Variants in RBM6 observed in about 807,000 individuals in gnomAD.
RBM6 encodes the protein RNA binding motif protein 6, also known as RNA-binding protein 6.
In RBM6, 23 loss-of-function variants were observed where a neutral mutation model predicts 140.4. That is an observed-to-expected ratio of 0.16 (90% CI 0.12 to 0.23). The LOEUF (loss-of-function observed/expected upper bound fraction) is 0.23. Ranked by LOEUF, RBM6 falls within the 10% of genes least tolerant of loss-of-function variation. The pLI, the probability that RBM6 is intolerant of heterozygous loss-of-function variation, is 1.00. For missense variants in RBM6, 1,139 were observed against 1,386.7 expected, an observed-to-expected ratio of 0.82 and a Z score of 2.84; for synonymous variants, 439 against 475.6, an observed-to-expected ratio of 0.92 and a Z score of 1.00.
At chr3:50,006,018 A>C (rs549711302) in intron 6 of RBM6, among the ~76,000 whole-genome samples, 1 of 152,304 alleles carries the variant, frequency 6.6e-6, no homozygotes, top group East Asian at 1.9e-4. Flanking sequence ...AGTGAGTTTA[A>C]GGATCGATGA....
intron 6 of RBM6, among the ~76,000 whole-genome samples, chr3:50,030,323 C>T (rs2088080860): frequency 6.9e-6 from 1 of 145,252 alleles, no homozygotes; most frequent in South Asian, 2.2e-4. Flanking sequence ...ATGGTTGTAC[C>T]TTGAACAGAT....
intron 1 of RBM6, among the ~76,000 whole-genome samples, chr3:49,941,938 CA>C (rs113889758): frequency 0.18 from 24,187 of 136,534 alleles, 3,551 homozygotes; most frequent in African/African-American, 0.41. Flanking sequence ...ACAAAAAATA[CA>C]AAAAAAAAAA....
At chr3:49,979,595 A>G (rs2085212485) in intron 5 of RBM6, among the ~76,000 whole-genome samples, 1 of 151,842 alleles carries the variant, frequency 6.6e-6, no homozygotes, top group South Asian at 2.1e-4. Context: ...GTGTGCCACC[A>G]CACCTGGCTA....
intron 5 of RBM6, 135 bp from the exon 6 acceptor site, chr3:49,999,305 A>ACC: frequency 1.5e-6 from 1 of 688,426 alleles, no homozygotes; most frequent in Non-Finnish European, 2.6e-6. Flanking sequence ...TAGCAACTTT[A>ACC]CCTAGTGTAG....
chr3:50,058,836 A>C (rs2089823538), intron 10 of RBM6: 3 of 225,312 alleles, frequency 1.3e-5, no homozygotes, highest in African/African-American at 2.2e-5. Flanking sequence ...GAATGGCGTG[A>C]ACTCCGGAGG....
At chr3:50,016,121 A>G (rs537000263) in intron 6 of RBM6, among the ~76,000 whole-genome samples, 4 of 152,300 alleles carry the variant, frequency 2.6e-5, no homozygotes, top group Admixed American at 2.6e-4. Flanking sequence ...GGCCTCTGGT[A>G]AACCACCATT....
At chr3:49,942,933 C>T (rs1234085260) in intron 1 of RBM6, among the ~76,000 whole-genome samples, 1 of 152,170 alleles carries the variant, frequency 6.6e-6, no homozygotes, top group East Asian at 1.9e-4. Flanking sequence ...AATCTCTAAT[C>T]TACTTTGTGT....
intron 19 of RBM6, 173 bp from the exon 20 acceptor site, chr3:50,075,028 C>A: frequency 1.5e-6 from 1 of 663,550 alleles, no homozygotes; most frequent in Non-Finnish European, 2.4e-6. Flanking sequence ...TGGTGGCGGG[C>A]ACCTGCAATC....
At chr3:49,986,933 G>A (rs929061519) in intron 5 of RBM6, among the ~76,000 whole-genome samples, 3 of 151,930 alleles carry the variant, frequency 2.0e-5, no homozygotes, top group African/African-American at 7.2e-5. Flanking sequence ...CTATAGACAT[G>A]CACCACCATG....
chr3:50,066,985 T>C (rs570946452), intron 17 of RBM6, among the ~76,000 whole-genome samples: 2 of 152,036 alleles, frequency 1.3e-5, no homozygotes, highest in South Asian at 4.1e-4. Context: ...GATCAGGAGT[T>C]TGAGACCAGC....
Position 49,969,537 on chromosome 3 carries a change from ATTC to A in RBM6, c.1323+792_1323+794del, listed in dbSNP as rs1451804591. ...TATATATATATTTCTTTTTTCTTTTATTCTTTTCTTCCTGCTTCACTTTCCATT... is the reference window on the plus strand; with the variant it reads ...TATATATATATTTCTTTTTTCTTTTATTTTCTTCCTGCTTCACTTTCCATT... On this transcript the variant is annotated intron_variant, in intron 3 of 20. Coordinates refer to ENST00000266022, the MANE Select transcript of RBM6 (RefSeq NM_005777.3). Among the ~76,000 whole-genome samples, 4 of 147,438 alleles carry A rather than the reference ATTC, an allele frequency of 2.7e-5. No homozygotes were observed. The Admixed American group carries it at 2.7e-4, about 10-fold the overall frequency.
intron 19 of RBM6, among the ~76,000 whole-genome samples, chr3:50,071,999 G>A (rs923714085): frequency 2.0e-5 from 3 of 148,170 alleles, no homozygotes; most frequent in African/African-American, 5.0e-5. Flanking sequence ...CAGAAGAATC[G>A]CTCAAACCTG....
At chr3:50,030,286 T>TAAA (rs57797585) in intron 6 of RBM6, among the ~76,000 whole-genome samples, 8 of 103,872 alleles carry the variant, frequency 7.7e-5, no homozygotes, top group African/African-American at 1.2e-4. Flanking sequence ...CTTTTTGTCT[T>TAAA]AAAAAAAAAA....
At chr3:50,016,815 A>G (rs2087177809) in intron 6 of RBM6, among the ~76,000 whole-genome samples, 1 of 134,532 alleles carries the variant, frequency 7.4e-6, no homozygotes, top group Non-Finnish European at 1.5e-5. Flanking sequence ...GTGTGTCACC[A>G]TGCCTAGCGT....
intron 1 of RBM6, among the ~76,000 whole-genome samples, chr3:49,953,986 A>G (rs1363987040): frequency 6.6e-6 from 1 of 152,090 alleles, no homozygotes; most frequent in African/African-American, 2.4e-5. Context: ...ACACAAAAAA[A>G]TTAGCCGAGC....
intron 15 of RBM6, among the ~76,000 whole-genome samples, chr3:50,064,287 A>AGT (rs1018774631): frequency 3.3e-5 from 5 of 151,832 alleles, no homozygotes; most frequent in South Asian, 2.1e-4. Context: ...GAGGAGAGAG[A>AGT]GTGTGTGTGT....
At chr3:50,070,183 C>T (rs549588061) in intron 18 of RBM6, among the ~76,000 whole-genome samples, 12 of 152,110 alleles carry the variant, frequency 7.9e-5, no homozygotes, top group African/African-American at 2.2e-4. Flanking sequence ...AGTGAAACCC[C>T]GTCTCTACTA....
intron 8 of RBM6, 59 bp from the exon 9 acceptor site, chr3:50,057,669 T>C: frequency 6.9e-7 from 1 of 1,457,808 alleles, no homozygotes; most frequent in African/African-American, 1.4e-5. Context: ...CAGTGTTTTT[T>C]CTTTTTTTTT....
chr3:50,039,495 CCA>C (rs2088753778), intron 6 of RBM6, among the ~76,000 whole-genome samples: 1 of 125,488 alleles, frequency 8.0e-6, no homozygotes, highest in African/African-American at 3.0e-5. Flanking sequence ...CCCCCCCCCC[CCA>C]CCCTTGGTCT....
Sources: gnomAD v4.1 joint callset for allele counts (sites outside exome capture counted in the v4.1 genomes callset) on GRCh38, gnomAD v4.1.1 for gene constraint, MANE v1.5 for transcripts, NCBI Gene and HGNC (gene_info 2026-07-23, HGNC 2026-07-21) for gene names.